BCAS3: variants seen among roughly 807,000 people sequenced by gnomAD.
The protein encoded by BCAS3 is BCAS4/BCAS3 fusion.
A neutral mutation model predicts 116.1 loss-of-function variants in BCAS3; 53 were observed. That is an observed-to-expected ratio of 0.46 (90% CI 0.37 to 0.57). BCAS3 has a LOEUF of 0.57. BCAS3 is among the 20% of genes least tolerant of loss of function. The probability of loss-of-function intolerance (pLI) is 0.00; values close to 1 mark genes in which losing one functional copy is unlikely to be tolerated. For missense variants in BCAS3, 917 were observed against 1,165.4 expected, an observed-to-expected ratio of 0.79 and a Z score of 3.10; for synonymous variants, 391 against 408.2, an observed-to-expected ratio of 0.96 and a Z score of 0.51.
chr17:61,312,694 A>G (rs1227318341), intron 22 of BCAS3, among the ~76,000 whole-genome samples: 1 of 152,112 alleles, frequency 6.6e-6, no homozygotes, highest in Non-Finnish European at 1.5e-5. Context: ...GTCTAGTTTT[A>G]TGAATCTCCT....
Position 61,034,540 on chromosome 17 carries a change from A to G in BCAS3, c.1638-126A>G. 1 of 811,084 alleles carries G rather than the reference A, an allele frequency of 1.2e-6. No individual in the cohort carries two copies. The highest frequency in any genetic ancestry group is 2.1e-5 in the South Asian group (1 of 48,266). 50.2% of individuals were successfully genotyped at this position (811,084 alleles called of 1,614,324 possible). A position where few individuals can be genotyped will look rare whatever the true frequency, so the allele number is the denominator to read the frequency against. ...GTCTCACATCACCATTTATTACTTA[A>G]GGCAAAATGCATGTTCATACTGGAG... On this transcript the variant is annotated intron_variant, in intron 16 of 23. Coordinates refer to ENST00000407086, the MANE Select transcript of BCAS3 (RefSeq NM_017679.5). This position sits in a 1 kb window ranked among gnomAD's most constrained non-coding sequence, Gnocchi z 5.0.
chr17:61,238,114 A>G (rs1158186995), intron 22 of BCAS3, among the ~76,000 whole-genome samples: 1 of 152,110 alleles, frequency 6.6e-6, no homozygotes, highest in Non-Finnish European at 1.5e-5. Context: ...GTACAGAGGC[A>G]CAATCTTGGC....
chr17:61,352,338 A>C lies in BCAS3; in HGVS notation c.2426-15989A>C, dbSNP rs1161860949. On this transcript the variant is annotated intron_variant, in intron 22 of 23. Transcript: ENST00000407086. This position sits in a 1 kb window ranked among gnomAD's most constrained non-coding sequence, Gnocchi z 4.7. ...AAGATAAAAAGATAGGTTTCTTTGCACACACAAACACACCCTGGGCTGACT... is the reference window on the plus strand; with the variant it reads ...AAGATAAAAAGATAGGTTTCTTTGCCCACACAAACACACCCTGGGCTGACT... 6.6e-6 allele frequency among the ~76,000 whole-genome samples: 1 copy of C among 152,182 alleles called. No homozygotes were observed. Among genetic ancestry groups the C allele is most frequent in the Non-Finnish European group, 1.5e-5 (1 of 68,038 alleles).
intron 22 of BCAS3, among the ~76,000 whole-genome samples, chr17:61,304,818 A>C (rs193249507): frequency 2.6e-4 from 40 of 151,870 alleles, no homozygotes; most frequent in African/African-American, 9.2e-4. Flanking sequence ...CAATGACACA[A>C]TCTCAGCTCA....
intron 6 of BCAS3, among the ~76,000 whole-genome samples, chr17:60,780,561 C>A (rs184279363): frequency 5.9e-5 from 9 of 152,048 alleles, no homozygotes; most frequent in African/African-American, 1.7e-4. Context: ...CCTTAGCCCC[C>A]CAAAGTGCTG....
At chr17:61,303,747 C>T (rs563514423) in intron 22 of BCAS3, among the ~76,000 whole-genome samples, 7 of 152,308 alleles carry the variant, frequency 4.6e-5, no homozygotes, top group Admixed American at 4.6e-4. Flanking sequence ...ACAGCAAGCA[C>T]TTACCGTGCT....
At chr17:60,685,204 C>T (rs556704979) in intron 3 of BCAS3, among the ~76,000 whole-genome samples, 5 of 152,192 alleles carry the variant, frequency 3.3e-5, no homozygotes, top group South Asian at 4.1e-4. Context: ...CGGTGGCTCA[C>T]GCCTGTAATC....
intron 22 of BCAS3, among the ~76,000 whole-genome samples, chr17:61,172,607 A>G (rs2078907061): frequency 6.6e-6 from 1 of 152,134 alleles, no homozygotes; most frequent in Non-Finnish European, 1.5e-5. Context: ...ACTGCACTCC[A>G]GCCTGGGCGA....
At chr17:60,711,324 G>A (rs986548018) in intron 5 of BCAS3, among the ~76,000 whole-genome samples, 1 of 151,992 alleles carries the variant, frequency 6.6e-6, no homozygotes, top group African/African-American at 2.4e-5. Flanking sequence ...CGTGGAGAAA[G>A]TACTTAAAAT....
intron 7 of BCAS3, among the ~76,000 whole-genome samples, chr17:60,812,262 C>A (rs1490488890): frequency 6.6e-6 from 1 of 151,900 alleles, no homozygotes; most frequent in Non-Finnish European, 1.5e-5. Context: ...TTTAAACTGA[C>A]GAAAGGCAGA....
chr17:60,804,638 T>C (rs940245910), intron 6 of BCAS3, among the ~76,000 whole-genome samples: 2 of 152,220 alleles, frequency 1.3e-5, no homozygotes, highest in African/African-American at 4.8e-5. Flanking sequence ...AAATATTCTA[T>C]TGTAACTTGA....
rs996553451 is a variant in BCAS3 at position 61,233,718 on chromosome 17, A to G, written c.2426-134609A>G. Reference sequence around the variant, plus strand: ...CATGGATTAGGCTAGCTCTTCGTCAAACCTCCCTTCTCAATTCACCTTCCT... The same window carrying G: ...CATGGATTAGGCTAGCTCTTCGTCAGACCTCCCTTCTCAATTCACCTTCCT... On this transcript the variant is annotated intron_variant, in intron 22 of 23. Transcript: ENST00000407086. The surrounding 1 kb of genome is among the most constrained non-coding windows in gnomAD (Gnocchi z 4.3). Among the ~76,000 whole-genome samples the G allele has an allele frequency of 6.6e-6, 1 of 152,184 alleles. No homozygotes were observed. The highest frequency in any genetic ancestry group is 1.5e-5 in the Non-Finnish European group (1 of 68,028).
At chr17:60,872,268 GTGTGTGTATATAATATGTGCATGTGTA>G (rs1044576843) in intron 8 of BCAS3, among the ~76,000 whole-genome samples, 2 of 151,752 alleles carry the variant, frequency 1.3e-5, no homozygotes, top group Non-Finnish European at 1.5e-5. Flanking sequence ...TGTGTATATA[GTGTGTGTATATAATATGTGCATGTGTA>G]TGTGTGTATA....
chr17:60,717,589 G>T (rs1481616328), intron 5 of BCAS3, among the ~76,000 whole-genome samples: 1 of 152,164 alleles, frequency 6.6e-6, no homozygotes, highest in Non-Finnish European at 1.5e-5. Flanking sequence ...CAAAGAATAA[G>T]AGATTATGTC....
rs1271794932 is a variant in BCAS3 at position 61,300,484 on chromosome 17, C to CTTA, written c.2426-67842_2426-67840dup. ...ATTTAGGGCATTTAAACCCATTGTG[C>CTTA]TTAAGTACCAGATTTCATTGCAGAC... On this transcript the variant is annotated intron_variant, in intron 22 of 23. Transcript: ENST00000407086. This position sits in a 1 kb window ranked among gnomAD's most constrained non-coding sequence, Gnocchi z 5.1. 2.0e-5 allele frequency among the ~76,000 whole-genome samples: 3 copies of CTTA among 152,052 alleles called. No homozygotes were observed. The highest frequency in any genetic ancestry group is 4.4e-5 in the Non-Finnish European group (3 of 68,022).
At position 61,032,545 on chromosome 17, in the gene BCAS3, T is replaced by A. The variant is rs1448056062; in HGVS notation, c.1638-2121T>A. Among the ~76,000 whole-genome samples the A allele has an allele frequency of 3.3e-5, 5 of 152,120 alleles. No homozygotes were observed. Among genetic ancestry groups the A allele is most frequent in the Non-Finnish European group, 7.4e-5 (5 of 67,994 alleles). ...AAAAGCTTTGAAAGAAGCCTTATATTCTCAGGTAATGCAACAGAGAGCATC... is the reference window on the plus strand; with the variant it reads ...AAAAGCTTTGAAAGAAGCCTTATATACTCAGGTAATGCAACAGAGAGCATC... On this transcript the variant is annotated intron_variant, in intron 16 of 23. Coordinates refer to ENST00000407086, the MANE Select transcript of BCAS3 (RefSeq NM_017679.5). This position sits in a 1 kb window ranked among gnomAD's most constrained non-coding sequence, Gnocchi z 4.6.
intron 5 of BCAS3, among the ~76,000 whole-genome samples, chr17:60,718,321 G>A (rs908809568): frequency 1.3e-5 from 2 of 151,760 alleles, no homozygotes; most frequent in African/African-American, 4.8e-5. Context: ...GCTGCCTACT[G>A]TACTTTGTCT....
At position 61,139,223 on chromosome 17, in the gene BCAS3, G is replaced by A. The variant is rs2076796744; in HGVS notation, c.2425+54659G>A. ...AAGAGTACACATTTTTTCCCTTAGA[G>A]TTATAGATGATCTAATCTAAAAAGT... On this transcript the variant is annotated intron_variant, in intron 22 of 23. Transcript: ENST00000407086. This position sits in a 1 kb window ranked among gnomAD's most constrained non-coding sequence, Gnocchi z 4.7. Among the ~76,000 whole-genome samples, 1 of 152,168 alleles carries A rather than the reference G, an allele frequency of 6.6e-6. No individual in the cohort carries two copies. Among genetic ancestry groups the A allele is most frequent in the Non-Finnish European group, 1.5e-5 (1 of 68,032 alleles).
chr17:61,360,249 C>G (rs553056399), intron 22 of BCAS3, among the ~76,000 whole-genome samples: 2 of 152,202 alleles, frequency 1.3e-5, no homozygotes, highest in African/African-American at 4.8e-5. Context: ...AGGTGATCCA[C>G]CTGCCTTGGC....
Sources: allele counts gnomAD v4.1 joint callset (sites outside exome capture counted in the v4.1 genomes callset), GRCh38; gene constraint gnomAD v4.1.1; non-coding constraint Gnocchi (gnomAD v3.1); transcripts MANE v1.5; gene names NCBI Gene and HGNC (gene_info 2026-07-23, HGNC 2026-07-21).